The following UGT1A10 variants were observed in gnomAD, a reference collection of about 807,000 sequenced individuals.
UGT1A10 encodes UDP-glucuronosyltransferase 1A10.
A neutral mutation model predicts 45.8 loss-of-function variants in UGT1A10; 49 were observed. The observed-to-expected ratio is 1.07, with a 90% confidence interval of 0.85 to 1.36. The LOEUF (loss-of-function observed/expected upper bound fraction) is 1.36, where lower values mean the gene tolerates loss of function less well. Ranked by LOEUF, UGT1A10 falls within the 40% of genes most tolerant of loss-of-function variation. The pLI, the probability that UGT1A10 is intolerant of heterozygous loss-of-function variation, is 0.00. For missense variants in UGT1A10, 745 were observed against 668.6 expected, an observed-to-expected ratio of 1.11 and a Z score of -1.26; for synonymous variants, 284 against 249.7, an observed-to-expected ratio of 1.14 and a Z score of -1.29.
chr2:233,717,641 G>A (rs869283), intron 1 of UGT1A10: 163,407 of 385,870 alleles, frequency 0.42, 37,925 homozygotes, highest in African/African-American at 0.72. Flanking sequence ...ATCCTGGGGC[G>A]ACCAGGACAA....
intron 1 of UGT1A10, chr2:233,743,575 G>A (rs1692358065): frequency 7.3e-7 from 1 of 1,367,206 alleles, no homozygotes; most frequent in East Asian, 4.5e-5. Flanking sequence ...GGTTTCCCAA[G>A]AGGTCAAAGG....
chr2:233,760,282 G>A (rs2125981806), intron 1 of UGT1A10: 1 of 1,612,868 alleles, frequency 6.2e-7, no homozygotes, highest in Non-Finnish European at 8.5e-7. Flanking sequence ...CAGGAGCAAA[G>A]GCGCCATGGC....
intron 1 of UGT1A10, among the ~76,000 whole-genome samples, chr2:233,761,366 G>T (rs541123734): frequency 6.6e-6 from 1 of 152,292 alleles, no homozygotes; most frequent in Admixed American, 6.5e-5. Context: ...GCATTCCTTG[G>T]ACATTTTACT....
Position 233,769,516 on chromosome 2 carries a change from G to C in UGT1A10, c.1295+1077G>C. 1 of 1,612,814 alleles carries C rather than the reference G, an allele frequency of 6.2e-7. No individual in the cohort carries two copies. Reference sequence around the variant, plus strand: ...GAGAGTGTCCATTGCTTTCTCCCATGGTTACCTCCTTTAGAAAGAAGCAGC... The same window carrying C: ...GAGAGTGTCCATTGCTTTCTCCCATCGTTACCTCCTTTAGAAAGAAGCAGC... On this transcript the variant is annotated intron_variant, in intron 4 of 4. Coordinates refer to ENST00000344644, the MANE Select transcript of UGT1A10 (RefSeq NM_019075.4). The surrounding 1 kb of genome is among the most constrained non-coding windows in gnomAD (Gnocchi z 4.4).
chr2:233,732,474 A>C (rs866244589), intron 1 of UGT1A10, among the ~76,000 whole-genome samples: 34 of 152,356 alleles, frequency 2.2e-4, no homozygotes, highest in African/African-American at 6.3e-4. Flanking sequence ...TCCATCTGGA[A>C]TTAATTTTTG....
At chr2:233,637,742 A>C (rs2073339690) in intron 1 of UGT1A10, among the ~76,000 whole-genome samples, 2 of 152,180 alleles carry the variant, frequency 1.3e-5, no homozygotes, top group South Asian at 4.1e-4. Context: ...CATTGAAAAA[A>C]AGTATTTTAG....
intron 1 of UGT1A10, among the ~76,000 whole-genome samples, chr2:233,726,860 T>G (rs1392432205): frequency 6.6e-6 from 1 of 152,244 alleles, no homozygotes; most frequent in East Asian, 1.9e-4. Context: ...CTCCATAGTC[T>G]TCTATTCTCC....
At chr2:233,728,999 G>A in intron 1 of UGT1A10, 10 of 1,561,322 alleles carry the variant, frequency 6.4e-6, no homozygotes, top group Non-Finnish European at 8.7e-6. Flanking sequence ...ACTAGAGGAG[G>A]GCACTCTGTC....
At chr2:233,713,906 T>C (rs759773170) in intron 1 of UGT1A10, 10 of 1,612,574 alleles carry the variant, frequency 6.2e-6, no homozygotes, top group Non-Finnish European at 8.5e-6. Flanking sequence ...CAAAACACTT[T>C]TTAAAAAATG....
At chr2:233,679,382 C>T (rs142374480) in intron 1 of UGT1A10, among the ~76,000 whole-genome samples, 5 of 152,262 alleles carry the variant, frequency 3.3e-5, no homozygotes, top group Non-Finnish European at 7.4e-5. Flanking sequence ...GAGTGTTGAT[C>T]TTTTCCTTTC....
chr2:233,717,547 C>T (rs888437914), intron 1 of UGT1A10, among the ~76,000 whole-genome samples: 1 of 152,196 alleles, frequency 6.6e-6, no homozygotes, highest in African/African-American at 2.4e-5. Flanking sequence ...TCAGCCTCAC[C>T]AGCAATGGCA....
At chr2:233,652,945 C>T (rs1188232873) in intron 1 of UGT1A10, among the ~76,000 whole-genome samples, 1 of 152,068 alleles carries the variant, frequency 6.6e-6, no homozygotes, top group Non-Finnish European at 1.5e-5. Flanking sequence ...GTATGAGAAA[C>T]AACAACAACA....
chr2:233,738,612 A>G (rs1461188273), intron 1 of UGT1A10, among the ~76,000 whole-genome samples: 3 of 152,202 alleles, frequency 2.0e-5, no homozygotes, highest in African/African-American at 7.2e-5. Context: ...TAGCAAAGAA[A>G]CTCGTGGCAT....
intron 1 of UGT1A10, chr2:233,693,065 T>TG: frequency 1.2e-6 from 2 of 1,614,144 alleles, no homozygotes; most frequent in East Asian, 4.5e-5. Context: ...CTTAGCACTT[T>TG]GGGGCATGGT....
intron 1 of UGT1A10, among the ~76,000 whole-genome samples, chr2:233,675,972 A>G (rs1376921582): frequency 1.3e-5 from 2 of 152,192 alleles, no homozygotes; most frequent in South Asian, 2.1e-4. Context: ...CTCACACAAC[A>G]TCTTTCCATA....
chr2:233,684,446 C>T (rs2074680414), intron 1 of UGT1A10, among the ~76,000 whole-genome samples: 1 of 152,152 alleles, frequency 6.6e-6, no homozygotes, highest in Admixed American at 6.6e-5. Context: ...TGTGGCCTGC[C>T]ACTTTCTGAA....
At chr2:233,688,516 G>A (rs28898573) in intron 1 of UGT1A10, among the ~76,000 whole-genome samples, 4,464 of 152,024 alleles carry the variant, frequency 0.029, 207 homozygotes, top group African/African-American at 0.1. Context: ...AGTGAAATGC[G>A]CCTAGAGTGG....
At chr2:233,746,254 A>G (rs184175169) in intron 1 of UGT1A10, among the ~76,000 whole-genome samples, 17 of 151,944 alleles carry the variant, frequency 1.1e-4, no homozygotes, top group Non-Finnish European at 1.5e-4. Context: ...ACAAGGCAGA[A>G]CAGAACAAAA....
At chr2:233,731,900 A>G (rs2078218151) in intron 1 of UGT1A10, among the ~76,000 whole-genome samples, 1 of 152,238 alleles carries the variant, frequency 6.6e-6, no homozygotes. Flanking sequence ...CACTCCCACC[A>G]ATGGTGTAAA....
Sources: allele counts gnomAD v4.1 joint callset (sites outside exome capture counted in the v4.1 genomes callset), GRCh38; gene constraint gnomAD v4.1.1; non-coding constraint Gnocchi (gnomAD v3.1); transcripts MANE v1.5; gene names NCBI Gene and HGNC (gene_info 2026-07-23, HGNC 2026-07-21).